The following CREBBP variants were observed in gnomAD, a reference collection of about 807,000 sequenced individuals.
CREBBP encodes the protein CREB binding lysine acetyltransferase, also known as CREB-binding protein.
In CREBBP, 19 loss-of-function variants were observed where a neutral mutation model predicts 265.0. That is an observed-to-expected ratio of 0.07 (90% CI 0.05 to 0.11). The LOEUF (loss-of-function observed/expected upper bound fraction) is 0.11, where lower values mean the gene tolerates loss of function less well. Ranked by LOEUF, CREBBP falls within the 10% of genes least tolerant of loss-of-function variation. The pLI is 1.00. For missense variants in CREBBP, 2,525 were observed against 3,219.0 expected, an observed-to-expected ratio of 0.78 and a Z score of 5.22; for synonymous variants, 1,457 against 1,223.7, an observed-to-expected ratio of 1.19 and a Z score of -3.98.
At position 3,787,404 on chromosome 16, in the gene CREBBP, G is replaced by A. The variant is rs894372998; in HGVS notation, c.1331-4478C>T. Among the ~76,000 whole-genome samples the A allele has an allele frequency of 7.9e-5, 12 of 152,280 alleles. No homozygotes were observed. In the South Asian group the frequency reaches 2.5e-3, roughly 32 times the overall value. On this transcript the variant is annotated intron_variant, in intron 5 of 30. Coordinates refer to ENST00000262367, the MANE Select transcript of CREBBP (RefSeq NM_004380.3). ...AACACATCACCCACGACCCTTTGGT[G>A]CTTAAGTCAGGGTCAATCAAGCCCA... is the stretch of plus-strand genomic sequence containing the variant.
chr16:3,816,807 A>C (rs1002957118), intron 2 of CREBBP, among the ~76,000 whole-genome samples: 3 of 152,190 alleles, frequency 2.0e-5, no homozygotes, highest in African/African-American at 7.2e-5. Flanking sequence ...CCCCTGCAAC[A>C]TACCAGGGAT....
chr16:3,728,497 T>C lies in CREBBP; in HGVS notation c.6550A>G (p.Ser2184Gly), dbSNP rs398124149. Reference protein sequence around the residue: ...MNPGHNPNMASMNPQYREMLR... With the variant: ...MNPGHNPNMAGMNPQYREMLR... ...ATTTCTCGGTACTGTGGATTCATAC[T>C]CGCCATGTTGGGGTTGTGTCCTGGG... Residue 2184 changes from serine to glycine, a missense_variant, in exon 31 of 31, where the codon AGT becomes GGT. Around this residue, in one of 19 missense-constraint regions of CREBBP, gnomAD observed 473 missense variants for 459.3 expected, o/e 1.03. Transcript: ENST00000262367. This position sits in a 1 kb window ranked among gnomAD's most constrained non-coding sequence, Gnocchi z 8.7. The C allele has an allele frequency of 5.6e-6, 9 of 1,613,900 alleles. No individual in the cohort carries two copies. The highest frequency in any genetic ancestry group is 1.6e-4 in the Middle Eastern group (1 of 6,084).
intron 5 of CREBBP, among the ~76,000 whole-genome samples, chr16:3,786,670 T>A (rs1346000108): frequency 4.6e-5 from 7 of 152,028 alleles, no homozygotes; most frequent in Admixed American, 4.6e-4. Context: ...GAAACTTGTG[T>A]ATGGGGAAGG....
intron 5 of CREBBP, among the ~76,000 whole-genome samples, chr16:3,787,318 C>T (rs1262464053): frequency 2.0e-5 from 3 of 152,110 alleles, no homozygotes; most frequent in Non-Finnish European, 4.4e-5. Flanking sequence ...CTTCAGAAGC[C>T]AAGTGACACT....
chr16:3,810,544 A>C, intron 3 of CREBBP, 59 bp downstream of exon 3: 1 of 1,591,416 alleles, frequency 6.3e-7, no homozygotes. Context: ...AATGGTAAAA[A>C]TCCACAGACC....
In CREBBP at chr16:3,850,299, T is replaced by C. The variant is rs2054801647; in HGVS notation, c.796A>G (p.Lys266Glu). 2.5e-6 allele frequency: 4 copies of C among 1,614,120 alleles called. No homozygotes were observed. Among genetic ancestry groups the C allele is most frequent in the Admixed American group, 1.7e-5 (1 of 60,004 alleles). ...TGAAAGTGCTTCAGTTCACTTACCT[T>C]GGCCATGCCTCCTGCCTGTGCGGTG... ...LNTAQAGGMA[K>E]MGITGNTSPF... Residue 266 changes from lysine (K) to glutamate (E), a missense_variant and splice_region_variant, in exon 2 of 31, where the codon AAG (lysine) becomes GAG (glutamate). Lys to Glu is a moderately conservative substitution (Grantham distance 56). Coordinates refer to ENST00000262367, the MANE Select transcript of CREBBP (RefSeq NM_004380.3).
intron 2 of CREBBP, among the ~76,000 whole-genome samples, chr16:3,814,164 A>AGTGTGTGTGTGTGTGT (rs35866243): frequency 1.4e-3 from 170 of 119,766 alleles, no homozygotes; most frequent in African/African-American, 4.6e-3. Context: ...AATGTTGTTT[A>AGTGTGTGTGTGTGTGT]GTGTGTGTGT....
intron 2 of CREBBP, among the ~76,000 whole-genome samples, chr16:3,831,078 T>C (rs1021913022): frequency 1.3e-5 from 2 of 152,176 alleles, no homozygotes; most frequent in African/African-American, 4.8e-5. Flanking sequence ...CTGCGCCTGA[T>C]CATTCTTTTC....
At position 3,736,092 on chromosome 16, in the gene CREBBP, G is replaced by C. The variant is rs778375586; in HGVS notation, c.4672C>G (p.Gln1558Glu). 2.5e-6 allele frequency: 4 copies of C among 1,614,040 alleles called. No individual in the cohort carries two copies. The highest frequency in any genetic ancestry group is 1.3e-5 in the African/African-American group (1 of 74,914). The change falls in exon 28 of 31, where the codon CAA becomes GAA. Residue 1558 changes from glutamine to glutamate, a missense_variant. Gln to Glu is a conservative substitution (Grantham distance 29). Coordinates refer to ENST00000262367, the MANE Select transcript of CREBBP (RefSeq NM_004380.3). The part of the protein sequence containing the change: ...VLEESIKELE[Q>E]EEEERKKEES... ...TCCTTTTTCCTCTCCTCTTCTTCTT[G>C]TTCTAGTTCCTTAATGCTCTCTTCT... is the stretch of plus-strand genomic sequence containing the variant.
chr16:3,733,674 G>A (rs1331717840), intron 28 of CREBBP, among the ~76,000 whole-genome samples: 2 of 152,056 alleles, frequency 1.3e-5, no homozygotes, highest in South Asian at 4.1e-4. Context: ...ATGGAGTCTC[G>A]CTCTGTCACC....
intron 2 of CREBBP, among the ~76,000 whole-genome samples, chr16:3,844,221 A>G (rs2054622080): frequency 6.6e-6 from 1 of 152,018 alleles, no homozygotes; most frequent in Non-Finnish European, 1.5e-5. Flanking sequence ...TGATATAAAA[A>G]TTGACAAAGC....
rs758206579 is a variant in CREBBP at position 3,777,564 on chromosome 16, G to C, written c.2158+49C>G. 9.6e-6 allele frequency: 15 copies of C among 1,570,586 alleles called. No homozygotes were observed. The South Asian group carries it at 1.3e-4, about 14-fold the overall frequency. ...AGAGGAAAAAACAGTGAAAGTTATG[G>C]CTGTTGAATGTAAAACTAAAATATG... On this transcript the variant is annotated intron_variant, in intron 11 of 30. Coordinates refer to ENST00000262367, the MANE Select transcript of CREBBP (RefSeq NM_004380.3).
intron 3 of CREBBP, among the ~76,000 whole-genome samples, chr16:3,800,458 T>C (rs897609423): frequency 2.0e-5 from 3 of 152,112 alleles, no homozygotes; most frequent in Non-Finnish European, 4.4e-5. Context: ...CTCTCATTTT[T>C]CCCCTAAGAG....
Position 3,770,851 on chromosome 16 carries a change from G to T in CREBBP, c.2599C>A (p.Pro867Thr), listed in dbSNP as rs2141203018. ...GGTGGTGTCGTGTGCTGGAGAGATG[G>T]CATGCCAGCAGCCGTGGAAGCAGGA... ...PPPASTAAGM[P>T]SLQHTTPPGM... Residue 867 changes from proline (P) to threonine (T), a missense_variant, in exon 14 of 31, where the codon CCA (proline) becomes ACA (threonine). Coordinates refer to ENST00000262367, the MANE Select transcript of CREBBP (RefSeq NM_004380.3). 6.2e-7 allele frequency: 1 copy of T among 1,613,976 alleles called. No individual in the cohort carries two copies. The highest frequency in any genetic ancestry group is 8.5e-7 in the Non-Finnish European group (1 of 1,180,006).
chr16:3,871,195 TCACTCACACACACACACACACACA>T (rs1364014231), intron 1 of CREBBP, among the ~76,000 whole-genome samples: 5 of 79,212 alleles, frequency 6.3e-5, no homozygotes, highest in Middle Eastern at 0.015. Context: ...TCTCTCTCTC[TCACTCACACACACACACACACACA>T]CACACACACA....
At chr16:3,823,957 AACACACACAC>A (rs57902688) in intron 2 of CREBBP, among the ~76,000 whole-genome samples, 33 of 148,132 alleles carry the variant, frequency 2.2e-4, no homozygotes, top group Middle Eastern at 3.4e-3. Flanking sequence ...AGGCTGTGGC[AACACACACAC>A]ACACACACAC....
chr16:3,784,844 C>T (rs1223364330), intron 5 of CREBBP, among the ~76,000 whole-genome samples: 1 of 152,258 alleles, frequency 6.6e-6, no homozygotes, highest in Non-Finnish European at 1.5e-5. Flanking sequence ...ACGCCTCATA[C>T]TCACATAGGC....
intron 3 of CREBBP, among the ~76,000 whole-genome samples, chr16:3,808,628 AG>A (rs1344220114): frequency 6.6e-6 from 1 of 152,212 alleles, no homozygotes; most frequent in Non-Finnish European, 1.5e-5. Context: ...GAGGCAGCAG[AG>A]GGGCCCGGAG....
At position 3,728,906 on chromosome 16, in the gene CREBBP, G is replaced by A. The variant is rs775352905; in HGVS notation, c.6141C>T (p.Ala2047=). The A allele has an allele frequency of 9.3e-6, 15 of 1,607,384 alleles. No individual in the cohort carries two copies. Among genetic ancestry groups the A allele is most frequent in the African/African-American group, 4.0e-5 (3 of 74,882 alleles). Residue 2047 remains alanine, a synonymous_variant, in exon 31 of 31, where the codon GCC becomes GCT. Transcript: ENST00000262367. This position sits in a 1 kb window ranked among gnomAD's most constrained non-coding sequence, Gnocchi z 8.7. ...CGCTGGGCATCCGGGGCCCAGCCAC[G>A]GCCGCCTGGGCCTGCATGGATATCA... The part of the protein sequence containing the change: ...RPVISMQAQA[A]VAGPRMPSVQ...
Sources: gnomAD v4.1 joint callset for allele counts (sites outside exome capture counted in the v4.1 genomes callset) on GRCh38, gnomAD v4.1.1 for gene constraint, gnomAD v4.1.1 regional missense constraint, Gnocchi (gnomAD v3.1) non-coding constraint, MANE v1.5 for transcripts, NCBI Gene and HGNC (gene_info 2026-07-23, HGNC 2026-07-21) for gene names.